Variants in FGF14 observed in about 807,000 individuals in gnomAD.
The protein encoded by FGF14 is fibroblast growth factor 14.
A neutral mutation model predicts 25.5 loss-of-function variants in FGF14; 5 were observed. That is an observed-to-expected ratio of 0.20 (90% confidence interval 0.10 to 0.41). The LOEUF (loss-of-function observed/expected upper bound fraction) is 0.41. Ranked by LOEUF, FGF14 falls within the 10% of genes least tolerant of loss-of-function variation. FGF14 has a pLI of 1.00. For missense variants in FGF14, 222 were observed against 320.1 expected, an observed-to-expected ratio of 0.69 and a Z score of 2.34; for synonymous variants, 138 against 118.3, an observed-to-expected ratio of 1.17 and a Z score of -1.08.
chr13:102,161,645 AGAAG>A (rs1566765104), intron 1 of FGF14, among the ~76,000 whole-genome samples: 1 of 12,192 alleles, frequency 8.2e-5, no homozygotes, highest in Non-Finnish European at 1.4e-4. Context: ...AAGAAGAAGA[AGAAG>A]AAGAAGAAGA....
intron 1 of FGF14, among the ~76,000 whole-genome samples, chr13:101,942,490 GATCT>G (rs567979540): frequency 1.5e-3 from 235 of 152,256 alleles, no homozygotes; most frequent in African/African-American, 5.4e-3. Context: ...TTATGGAACA[GATCT>G]ATTAGCTGCA....
intron 1 of FGF14, among the ~76,000 whole-genome samples, chr13:102,026,769 T>C (rs1281262818): frequency 6.6e-6 from 1 of 151,992 alleles, no homozygotes; most frequent in East Asian, 1.9e-4. Flanking sequence ...TTCCCTTATT[T>C]TGCATGTTTT....
chr13:102,136,634 A>C (rs1332571346), intron 1 of FGF14, among the ~76,000 whole-genome samples: 1 of 151,758 alleles, frequency 6.6e-6, no homozygotes, highest in African/African-American at 2.4e-5. Context: ...GCTGTAAAGC[A>C]GCCCACAGAT....
At position 102,400,936 on chromosome 13, in the gene FGF14, G is replaced by T. The variant is rs1009432986; in HGVS notation, c.208+535C>A. ...TGCTCGGGCACCCGGAGCTGGACGG[G>T]GGAGGGACGCGGGGGCTGACGGAGG... On this transcript the variant is annotated intron_variant, in intron 1 of 4. Coordinates refer to the FGF14 transcript ENST00000376131. This position sits in a 1 kb window ranked among gnomAD's most constrained non-coding sequence, Gnocchi z 4.3. Among the ~76,000 whole-genome samples, 1 of 152,138 alleles carries T rather than the reference G, an allele frequency of 6.6e-6. No individual in the cohort carries two copies. The highest frequency in any genetic ancestry group is 2.4e-5 in the African/African-American group (1 of 41,446).
intron 1 of FGF14, among the ~76,000 whole-genome samples, chr13:101,958,185 A>C (rs1023122455): frequency 1.7e-4 from 26 of 152,188 alleles, no homozygotes; most frequent in African/African-American, 5.8e-4. Context: ...TCTCTAAAGC[A>C]TGTTCTGTGT....
chr13:101,830,398 G>C (rs2042610253), intron 3 of FGF14, among the ~76,000 whole-genome samples: 1 of 152,046 alleles, frequency 6.6e-6, no homozygotes, highest in Non-Finnish European at 1.5e-5. Flanking sequence ...GGGAAGTACA[G>C]GTCCCTGGCA....
chr13:101,930,879 TTC>T (rs1423810125), intron 1 of FGF14, among the ~76,000 whole-genome samples: 1 of 152,212 alleles, frequency 6.6e-6, no homozygotes, highest in Non-Finnish European at 1.5e-5. Flanking sequence ...TCCTACAGTG[TTC>T]TAACAGCCCT....
intron 1 of FGF14, among the ~76,000 whole-genome samples, chr13:102,190,614 T>G (rs780531124): frequency 6.6e-6 from 1 of 152,128 alleles, no homozygotes; most frequent in Non-Finnish European, 1.5e-5. Flanking sequence ...CCACCTTACA[T>G]TAATAGATAA....
chr13:102,274,902 T>G (rs1690973773), intron 1 of FGF14, among the ~76,000 whole-genome samples: 1 of 151,172 alleles, frequency 6.6e-6, no homozygotes, highest in Admixed American at 6.6e-5. Flanking sequence ...TAATAAATAA[T>G]AAATAATTAT....
chr13:102,238,507 G>A (rs2051434316), intron 1 of FGF14, among the ~76,000 whole-genome samples: 1 of 152,156 alleles, frequency 6.6e-6, no homozygotes, highest in South Asian at 2.1e-4. Context: ...ATCTCAATCA[G>A]ATGATATTTC....
At chr13:101,830,949 T>C (rs1195105191) in intron 3 of FGF14, among the ~76,000 whole-genome samples, 1 of 152,106 alleles carries the variant, frequency 6.6e-6, no homozygotes, top group Non-Finnish European at 1.5e-5. Context: ...TCCGATCCTC[T>C]TCTGCTTCTC....
intron 1 of FGF14, chr13:102,292,832 G>A (rs2085423179): frequency 6.6e-6 from 1 of 152,186 alleles, no homozygotes; most frequent in Admixed American, 6.5e-5. Context: ...CCATAGCCAT[G>A]GTCCTCATTT....
chr13:101,943,463 T>C (rs1190055512), intron 1 of FGF14, among the ~76,000 whole-genome samples: 1 of 152,174 alleles, frequency 6.6e-6, no homozygotes, highest in Non-Finnish European at 1.5e-5. Flanking sequence ...GACATCTAGT[T>C]GGTAGAAGCC....
intron 1 of FGF14, among the ~76,000 whole-genome samples, chr13:102,311,651 G>T (rs575522141): frequency 1.3e-5 from 2 of 152,290 alleles, no homozygotes; most frequent in East Asian, 3.9e-4. Flanking sequence ...GTCAGGCAAA[G>T]CAAAGGGCTT....
intron 1 of FGF14, among the ~76,000 whole-genome samples, chr13:102,035,533 G>A (rs1212602144): frequency 3.3e-5 from 5 of 152,118 alleles, no homozygotes; most frequent in Admixed American, 6.6e-5. Flanking sequence ...GATGACTCAG[G>A]ACAGTTGATC....
intron 1 of FGF14, among the ~76,000 whole-genome samples, chr13:102,021,101 AAC>A (rs1213131785): frequency 4.0e-5 from 6 of 151,886 alleles, no homozygotes; most frequent in Non-Finnish European, 7.4e-5. Context: ...AGGGAAGAAA[AAC>A]ACTGGAGATA....
upstream of FGF14, among the ~76,000 whole-genome samples, chr13:101,918,893 AATT>A (rs1295975336): frequency 1.3e-5 from 2 of 152,226 alleles, no homozygotes; most frequent in African/African-American, 4.8e-5. Flanking sequence ...CAAATTCTAC[AATT>A]ATTAAAAGGA....
At chr13:101,884,062 C>CAAAA (rs11315735) in intron 1 of FGF14, among the ~76,000 whole-genome samples, 93 of 37,742 alleles carry the variant, frequency 2.5e-3, no homozygotes, top group East Asian at 0.012. Context: ...GACTCCATCT[C>CAAAA]AAAAAAAAAA....
At chr13:102,053,274 G>A (rs148847575) in intron 1 of FGF14, among the ~76,000 whole-genome samples, 25 of 152,084 alleles carry the variant, frequency 1.6e-4, no homozygotes, top group African/African-American at 5.1e-4. Context: ...TAAGGAAAAC[G>A]AAACAGAACA....
Sources: allele counts gnomAD v4.1 joint callset (sites outside exome capture counted in the v4.1 genomes callset), GRCh38; gene constraint gnomAD v4.1.1; non-coding constraint Gnocchi (gnomAD v3.1); transcripts MANE v1.5; gene names NCBI Gene and HGNC (gene_info 2026-07-23, HGNC 2026-07-21).